Variants in PEMT observed in about 807,000 individuals in gnomAD.
PEMT encodes the protein phosphatidylethanolamine N-methyltransferase.
PEMT carries 23 observed loss-of-function variants against 27.4 expected under a neutral mutation model. That is an observed-to-expected ratio of 0.84 (90% CI 0.60 to 1.19). The LOEUF (loss-of-function observed/expected upper bound fraction) is 1.19, where lower values mean the gene tolerates loss of function less well. Among genes scored for constraint, PEMT ranks in the 50% most tolerant of loss-of-function variants. The probability of loss-of-function intolerance (pLI) is 0.00; values close to 1 mark genes in which losing one functional copy is unlikely to be tolerated. For missense variants in PEMT, 307 were observed against 310.1 expected (o/e 0.99, Z 0.07); for synonymous variants, 137 against 139.1 (o/e 0.98, Z 0.11).
chr17:17,519,417 G>A (rs964045779), intron 3 of PEMT, among the ~76,000 whole-genome samples: 1 of 152,214 alleles, frequency 6.6e-6, no homozygotes, highest in Non-Finnish European at 1.5e-5. Context: ...TGAGGCCAAC[G>A]CTGATATGAG....
chr17:17,564,827 C>G (rs4646363), intron 2 of PEMT, among the ~76,000 whole-genome samples: 10,038 of 152,210 alleles, frequency 0.066, 859 homozygotes, highest in African/African-American at 0.19. Context: ...TGGGACTCAG[C>G]CTGGTAGGGG....
chr17:17,562,060 T>G (rs1262270878), intron 2 of PEMT, among the ~76,000 whole-genome samples: 1 of 152,162 alleles, frequency 6.6e-6, no homozygotes, highest in African/African-American at 2.4e-5. Context: ...TCCGGCCCAT[T>G]GGAGTCGGCC....
Position 17,509,426 on chromosome 17 carries a change from G to C in PEMT, c.578+8C>G. On this transcript the variant is annotated splice_region_variant and intron_variant, in intron 5 of 6. Coordinates refer to ENST00000255389, the MANE Select transcript of PEMT (RefSeq NM_148172.3). ...GCAGGGCAGAGGGGTGGCAAGCCTG[G>C]TACTCACATGATGGCCCAGCCCAGG... The C allele has an allele frequency of 6.3e-7, 1 of 1,585,370 alleles. No individual in the cohort carries two copies. Among genetic ancestry groups the C allele is most frequent in the Non-Finnish European group, 8.7e-7 (1 of 1,154,724 alleles).
intron 2 of PEMT, among the ~76,000 whole-genome samples, chr17:17,546,272 G>A (rs996589441): frequency 2.0e-5 from 3 of 152,184 alleles, no homozygotes; most frequent in Admixed American, 6.5e-5. Flanking sequence ...TGTGGGCCAC[G>A]GCATGTCCTG....
chr17:17,560,303 C>T (rs1395749124), intron 2 of PEMT, among the ~76,000 whole-genome samples: 2 of 152,180 alleles, frequency 1.3e-5, no homozygotes, highest in African/African-American at 4.8e-5. Context: ...AGCTGCCCGC[C>T]TGGGAGGCAG....
chr17:17,526,999 C>T (rs1375687492), intron 2 of PEMT, among the ~76,000 whole-genome samples: 6 of 152,122 alleles, frequency 3.9e-5, no homozygotes, highest in African/African-American at 7.2e-5. Context: ...AAATTTCCTA[C>T]GCATCCTTGA....
At chr17:17,536,785 T>C (rs1908503993) in intron 2 of PEMT, among the ~76,000 whole-genome samples, 1 of 152,258 alleles carries the variant, frequency 6.6e-6, no homozygotes, top group African/African-American at 2.4e-5. Context: ...AAATGGTCCA[T>C]TGGCCCCGTG....
At chr17:17,538,695 T>G (rs1277940049) in intron 2 of PEMT, among the ~76,000 whole-genome samples, 1 of 152,244 alleles carries the variant, frequency 6.6e-6, no homozygotes, top group Non-Finnish European at 1.5e-5. Context: ...TTTTAAAGTG[T>G]CTTTTCTTTT....
At chr17:17,567,295 CA>C (rs1405786868) in intron 2 of PEMT, among the ~76,000 whole-genome samples, 15 of 152,234 alleles carry the variant, frequency 9.9e-5, no homozygotes, top group African/African-American at 3.4e-4. Context: ...CAGTTCGAGA[CA>C]CCTTGTTGTA....
rs538304180 is a variant in PEMT, at chr17:17,523,169, A to G, written c.205-774T>C. On this transcript the variant is annotated intron_variant, in intron 2 of 6. Transcript: ENST00000255389. This position sits in a 1 kb window ranked among gnomAD's most constrained non-coding sequence, Gnocchi z 4.8. ...GAGAGGAGGGGAGGGGGCAAGGAGG[A>G]TGCAAAAAGACAAGCATGCAGCCTG... Among the ~76,000 whole-genome samples the G allele has an allele frequency of 3.4e-4, 52 of 152,198 alleles. No homozygotes were observed. Among genetic ancestry groups the G allele is most frequent in the African/African-American group, 1.2e-3 (50 of 41,522 alleles).
At chr17:17,576,846 CGCGATCCCCT>C (rs1335424571) in intron 2 of PEMT, 64 bp downstream of exon 2, 13 of 1,231,016 alleles carry the variant, frequency 1.1e-5, no homozygotes, top group African/African-American at 4.4e-5. Context: ...CAGCAACCAC[CGCGATCCCCT>C]GCATGTGGGG....
intron 4 of PEMT, among the ~76,000 whole-genome samples, chr17:17,511,822 C>T: frequency 6.6e-6 from 1 of 151,416 alleles, no homozygotes; most frequent in Non-Finnish European, 1.5e-5. Context: ...CCCTCCCACC[C>T]CGACCCCTAC....
chr17:17,532,119 C>G (rs1272029234), intron 2 of PEMT, among the ~76,000 whole-genome samples: 1 of 152,156 alleles, frequency 6.6e-6, no homozygotes, highest in East Asian at 1.9e-4. Context: ...TGCCTTCCCC[C>G]TAAACTCAGC....
intron 2 of PEMT, among the ~76,000 whole-genome samples, chr17:17,572,487 TG>T (rs1911276322): frequency 6.6e-6 from 1 of 152,234 alleles, no homozygotes; most frequent in South Asian, 2.1e-4. Flanking sequence ...CCAGGACTTT[TG>T]CACTTGTGTT....
chr17:17,542,368 C>A (rs1010200342), intron 2 of PEMT, among the ~76,000 whole-genome samples: 3 of 152,230 alleles, frequency 2.0e-5, no homozygotes, highest in Admixed American at 6.5e-5. Flanking sequence ...GAAACAGGGG[C>A]CTACGTGGCC....
At chr17:17,519,576 C>G (rs1907114041) in intron 3 of PEMT, among the ~76,000 whole-genome samples, 1 of 152,050 alleles carries the variant, frequency 6.6e-6, no homozygotes, top group South Asian at 2.1e-4. Context: ...GGGCCTGTCC[C>G]CCTGGTCTCC....
At chr17:17,574,808 C>A (rs897373030) in intron 2 of PEMT, among the ~76,000 whole-genome samples, 3 of 152,108 alleles carry the variant, frequency 2.0e-5, no homozygotes, top group African/African-American at 7.2e-5. Context: ...GCTGGGAGAC[C>A]CATATGTACC....
chr17:17,585,151 G>A (rs1302973924), intron 1 of PEMT, among the ~76,000 whole-genome samples: 3 of 152,104 alleles, frequency 2.0e-5, no homozygotes, highest in East Asian at 1.9e-4. Context: ...TAGCCTAGCC[G>A]ATATGGTGAA....
chr17:17,517,703 A>G (rs1906943971), intron 3 of PEMT, among the ~76,000 whole-genome samples: 1 of 152,206 alleles, frequency 6.6e-6, no homozygotes, highest in Non-Finnish European at 1.5e-5. Context: ...CTGGTGTCCC[A>G]CAGGGTTGCA....
Sources: gnomAD v4.1 joint callset for allele counts (sites outside exome capture counted in the v4.1 genomes callset) on GRCh38, gnomAD v4.1.1 for gene constraint, Gnocchi (gnomAD v3.1) non-coding constraint, MANE v1.5 for transcripts, NCBI Gene and HGNC (gene_info 2026-07-23, HGNC 2026-07-21) for gene names.